The following ZNF641 variants were observed in gnomAD, a reference collection of about 807,000 sequenced individuals.
ZNF641 encodes the protein zinc finger protein 641.
ZNF641 carries 26 observed loss-of-function variants against 46.2 expected under a neutral mutation model. That is an observed-to-expected ratio of 0.56 (90% CI 0.41 to 0.78). The LOEUF (loss-of-function observed/expected upper bound fraction) is 0.78, where lower values mean the gene tolerates loss of function less well. ZNF641 is among the 30% of genes least tolerant of loss of function. ZNF641 has a pLI of 0.00. For synonymous variants in ZNF641, 163 were observed against 187.9 expected (o/e 0.87, Z 1.09); for missense variants, 469 against 517.8 (o/e 0.91, Z 0.91).
chr12:48,344,656 ATTGTTC>A lies in ZNF641; in HGVS notation c.457_462del (p.Glu153_Gln154del). On this transcript the variant is annotated inframe_deletion, in exon 5 of 6. Transcript: ENST00000547026. ...TCTAAGTCCTGGGGGTCAGGGACCC[ATTGTTC>A]TTCTCCTCCTTCTAGTTGAGAAAGC... 6.2e-7 allele frequency: 1 copy of A among 1,613,812 alleles called. No homozygotes were observed. Among genetic ancestry groups the A allele is most frequent in the South Asian group, 1.1e-5 (1 of 91,030 alleles).
intron 1 of ZNF641, chr12:48,350,316 T>A: frequency 8.5e-7 from 1 of 1,180,398 alleles, no homozygotes; most frequent in South Asian, 1.8e-5. Context: ...GTTGGCTCCG[T>A]CCATCAGAGA....
chr12:48,341,448 G>C lies in ZNF641; in HGVS notation c.*1525C>G, dbSNP rs1003095961. On this transcript the variant is annotated 3_prime_UTR_variant, in exon 6 of 6. Transcript: ENST00000547026. ...TGCTAGAATACTTATGCAAGCCCTA[G>C]AGTTAAGGGTCTTAGTGTGGACACC... is the stretch of plus-strand genomic sequence containing the variant. 2 of 985,442 alleles carry C rather than the reference G, an allele frequency of 2.0e-6. No individual in the cohort carries two copies. The highest frequency in any genetic ancestry group is 2.4e-6 in the Non-Finnish European group (2 of 829,944). The allele number at this position is 985,442 out of a possible 1,614,324, so 61.0% of individuals were successfully genotyped here. A position where few individuals can be genotyped will look rare whatever the true frequency, so the allele number is the denominator to read the frequency against.
intron 1 of ZNF641, chr12:48,350,074 T>C (rs762755683): frequency 6.2e-7 from 1 of 1,614,092 alleles, no homozygotes; most frequent in African/African-American, 1.3e-5. Flanking sequence ...TCCTAAGATA[T>C]TCACGCAGAG....
downstream of ZNF641, among the ~76,000 whole-genome samples, chr12:48,334,847 C>T (rs536186132): frequency 7.7e-4 from 117 of 152,208 alleles, no homozygotes; most frequent in Non-Finnish European, 1.3e-3. Flanking sequence ...CCGGTGGGAC[C>T]GCACCTGTAC....
chr12:48,342,795 G>A lies in ZNF641; in HGVS notation c.*178C>T. 1 of 1,420,458 alleles carries A rather than the reference G, an allele frequency of 7.0e-7. No individual in the cohort carries two copies. Among genetic ancestry groups the A allele is most frequent in the Non-Finnish European group, 9.2e-7 (1 of 1,092,722 alleles). The allele number at this position is 1,420,458 out of a possible 1,614,324, so 88.0% of individuals were successfully genotyped here. On this transcript the variant is annotated 3_prime_UTR_variant, in exon 6 of 6. Transcript: ENST00000547026. ...TTTGCCCAAAGAACTCTATTTTTAT[G>A]TGCTATCTCACAGAACTGGTGAGAA...
intron 1 of ZNF641, 66 bp from the exon 2 acceptor site, chr12:48,348,181 A>G (rs78809888): frequency 0.018 from 27,350 of 1,534,288 alleles, 406 homozygotes; most frequent in Non-Finnish European, 0.018. Flanking sequence ...TAAGGGAGTT[A>G]TGAAGAACAG....
chr12:48,341,514 C>T lies in ZNF641; in HGVS notation c.*1459G>A. 1 of 985,438 alleles carries T rather than the reference C, an allele frequency of 1.0e-6. No individual in the cohort carries two copies. 61.0% of individuals were successfully genotyped at this position (985,438 alleles called of 1,614,324 possible). The stretch of plus-strand genomic sequence containing the variant: ...GGAAAACCAACCAGAAAGCTTATTA[C>T]CCTGCAGCAGCTGAAAAGCTAAGCC... On this transcript the variant is annotated 3_prime_UTR_variant, in exon 6 of 6. Coordinates refer to ENST00000547026, the MANE Select transcript of ZNF641 (RefSeq NM_001172681.2).
chr12:48,349,941 C>A, intron 1 of ZNF641: 2 of 1,369,602 alleles, frequency 1.5e-6, no homozygotes, highest in Non-Finnish European at 2.1e-6. Flanking sequence ...TAATGGGAAG[C>A]CTCTTTGTGC....
intron 3 of ZNF641, among the ~76,000 whole-genome samples, chr12:48,346,507 A>G (rs11168535): frequency 6.6e-6 from 1 of 151,792 alleles, no homozygotes; most frequent in South Asian, 2.1e-4. Flanking sequence ...ATCTAAACCT[A>G]ATTTCCTTTC....
At chr12:48,351,207 C>T (rs1953031266), upstream of ZNF641, 1 of 152,374 alleles carries the variant, frequency 6.6e-6, no homozygotes, top group Non-Finnish European at 1.5e-5. Context: ...GCCTGACTGA[C>T]CATTTTCCGC....
At chr12:48,344,097 T>C (rs1952797222) in intron 5 of ZNF641, among the ~76,000 whole-genome samples, 1 of 152,246 alleles carries the variant, frequency 6.6e-6, no homozygotes, top group Admixed American at 6.5e-5. Flanking sequence ...ATTACCATTA[T>C]TTATTTACTA....
chr12:48,344,632 C>CTA lies in ZNF641; in HGVS notation c.485_486dup (p.Glu163Ter). The CTA allele has an allele frequency of 6.2e-7, 1 of 1,613,672 alleles. No homozygotes were observed. The highest frequency in any genetic ancestry group is 8.5e-7 in the Non-Finnish European group (1 of 1,179,670). On this transcript the variant is annotated frameshift_variant, in exon 5 of 6. Coordinates refer to ENST00000547026, the MANE Select transcript of ZNF641 (RefSeq NM_001172681.2). LOFTEE classifies it high-confidence loss of function. Reference sequence around the variant, plus strand: ...GTGACCCTCAGAATGTCCCTCTCCTCTAAGTCCTGGGGGTCAGGGACCCAT... The same window carrying CTA: ...GTGACCCTCAGAATGTCCCTCTCCTCTATAAGTCCTGGGGGTCAGGGACCCAT...
intron 1 of ZNF641, chr12:48,350,345 G>A: frequency 1.2e-6 from 1 of 810,544 alleles, no homozygotes; most frequent in South Asian, 2.4e-5. Context: ...CCCTGCCACG[G>A]GTAGGGCATG....
chr12:48,344,816 G>C, intron 4 of ZNF641, 104 bp from the exon 5 acceptor site: 1 of 692,966 alleles, frequency 1.4e-6, no homozygotes, highest in East Asian at 2.7e-5. Flanking sequence ...TGGAACTCTA[G>C]ACAAAAGAAG....
rs754223528 is a variant in ZNF641, at chr12:48,343,501, G to C, written c.747C>G (p.Pro249=). Residue 249 remains proline, a synonymous_variant, in exon 6 of 6, where the codon CCC becomes CCG. Transcript: ENST00000547026. Reference sequence around the variant, plus strand: ...GTTTCCCACACTGGGGGCATGTGTGGGGTCTTAACAGGGAATCCATCTCTG... The same window carrying C: ...GTTTCCCACACTGGGGGCATGTGTGCGGTCTTAACAGGGAATCCATCTCTG... ...CSTEMDSLLR[P]HTCPQCGKQF... 8 of 1,613,708 alleles carry C rather than the reference G, an allele frequency of 5.0e-6. No homozygotes were observed. In the South Asian group the frequency reaches 8.8e-5, roughly 18 times the overall value.
At position 48,345,474 on chromosome 12, in the gene ZNF641, C is replaced by T; in HGVS notation, c.277G>A (p.Gly93Ser). 6.2e-7 allele frequency: 1 copy of T among 1,614,006 alleles called. No individual in the cohort carries two copies. Among genetic ancestry groups the T allele is most frequent in the Non-Finnish European group, 8.5e-7 (1 of 1,179,936 alleles). The change falls in exon 4 of 6, where the codon GGC (glycine) becomes AGC (serine). Residue 93 changes from glycine (G) to serine (S), a missense_variant and splice_region_variant. Around this residue, in one of 3 missense-constraint regions of ZNF641, gnomAD observed 25 missense variants for 58.1 expected, o/e 0.43. Transcript: ENST00000547026. ...GACACATCCTTGATGGTTACCAGGC[C>T]CTGAAACAAAATGTAGCATCTTCTG... The part of the protein sequence containing the change: ...AAALLAAGSQ[G>S]LVTIKDVSLC...
Position 48,343,324 on chromosome 12 carries a change from G to C in ZNF641, c.924C>G (p.Cys308Trp). The C allele has an allele frequency of 6.2e-7, 1 of 1,614,208 alleles. No individual in the cohort carries two copies. Among genetic ancestry groups the C allele is most frequent in the Non-Finnish European group, 8.5e-7 (1 of 1,180,046 alleles). The change falls in exon 6 of 6, where the codon TGC becomes TGG. Residue 308 changes from cysteine to tryptophan, a missense_variant. Transcript: ENST00000547026. ...ATCGGAAATTCTTACCACACTCAGA[G>C]CACCTGCTGGTCTTGTCATGTAGGT... ...KTHLHDKTSR[C>W]SECGKNFRCN...
intron 3 of ZNF641, among the ~76,000 whole-genome samples, chr12:48,345,845 C>T (rs1952856761): frequency 6.6e-6 from 1 of 152,088 alleles, no homozygotes; most frequent in East Asian, 1.9e-4. Context: ...CCACTGGACC[C>T]TGCCTTTTCT....
At chr12:48,348,591 T>C (rs563100682) in intron 1 of ZNF641, among the ~76,000 whole-genome samples, 1 of 152,350 alleles carries the variant, frequency 6.6e-6, no homozygotes, top group Non-Finnish European at 1.5e-5. Context: ...AATGAAATGA[T>C]TACTATAGGT....
Sources: allele counts gnomAD v4.1 joint callset (sites outside exome capture counted in the v4.1 genomes callset), GRCh38; gene constraint gnomAD v4.1.1; regional missense constraint gnomAD v4.1.1; transcripts MANE v1.5; gene names NCBI Gene and HGNC (gene_info 2026-07-23, HGNC 2026-07-21).